LRCH3: variants seen among roughly 807,000 people sequenced by gnomAD.
LRCH3 encodes DISP complex protein LRCH3.
Under a neutral mutation model 104.5 loss-of-function variants are expected in LRCH3, and 68 were observed. The ratio of observed to expected loss-of-function variants is 0.65; its 90% CI spans 0.54 to 0.80. The LOEUF (loss-of-function observed/expected upper bound fraction) is 0.80. LRCH3 is among the 30% of genes least tolerant of loss of function. The pLI is 0.00. For synonymous variants in LRCH3, 344 were observed against 361.3 expected (o/e 0.95, Z 0.54); for missense variants, 951 against 953.9 (o/e 1.00, Z 0.04).
Position 197,871,469 on chromosome 3 carries a change from T to C in LRCH3, c.2130+7T>C. ...TGTTCCCTCACCAGCTGTAGTAAGT[T>C]GATAATCCTAAAAAGCCTTGGCTAT... On this transcript the variant is annotated splice_region_variant and intron_variant, in intron 19 of 20. Transcript: ENST00000425562. 7.4e-6 allele frequency: 12 copies of C among 1,612,148 alleles called. No individual in the cohort carries two copies. The highest frequency in any genetic ancestry group is 9.3e-6 in the Non-Finnish European group (11 of 1,178,410).
intron 19 of LRCH3, among the ~76,000 whole-genome samples, chr3:197,871,848 A>G (rs1444918257): frequency 1.3e-5 from 2 of 152,240 alleles, no homozygotes; most frequent in Non-Finnish European, 2.9e-5. Flanking sequence ...TCAGAAGCTA[A>G]GGAAAGTTTG....
At position 197,871,330 on chromosome 3, in the gene LRCH3, T is replaced by C. The variant is rs764451656; in HGVS notation, c.1998T>C (p.Ile666=). 14 of 1,612,706 alleles carry C rather than the reference T, an allele frequency of 8.7e-6. No individual in the cohort carries two copies. In the Admixed American group the frequency reaches 2.3e-4, roughly 27 times the overall value. ...CATGTTTTTTGTTCTTTCAGCATAT[T>C]GAGTACCGGTTGAAAGTGTCTCTAC... The part of the protein sequence containing the change: ...LELIDQLRKH[I]EYRLKVSLPC... The change falls in exon 19 of 21, where the codon ATT becomes ATC. Residue 666 remains isoleucine, a synonymous_variant. Coordinates refer to ENST00000425562, the MANE Select transcript of LRCH3 (RefSeq NM_001365715.1).
At chr3:197,880,021 C>G (rs1266230152) in intron 20 of LRCH3, among the ~76,000 whole-genome samples, 1 of 150,854 alleles carries the variant, frequency 6.6e-6, no homozygotes, top group East Asian at 1.9e-4. Context: ...TCTCGGCTCA[C>G]TGCAAGCTCC....
chr3:197,867,452 C>T (rs201478444), intron 17 of LRCH3, among the ~76,000 whole-genome samples: 1 of 150,792 alleles, frequency 6.6e-6, no homozygotes, highest in Admixed American at 6.6e-5. Flanking sequence ...CGTGGTGGCA[C>T]GTGCCTGTAA....
rs773924936 is a variant in LRCH3 at position 197,791,552 on chromosome 3, G to T, written c.262+12G>T. ...CACCACCCGGGCGGGTGAGCGGGGC[G>T]GGGGGCGTCTCTGCCCGTCGGAGAC... On this transcript the variant is annotated intron_variant, in intron 1 of 20. Coordinates refer to ENST00000425562, the MANE Select transcript of LRCH3 (RefSeq NM_001365715.1). 1.9e-6 allele frequency: 3 copies of T among 1,545,726 alleles called. No individual in the cohort carries two copies. The highest frequency in any genetic ancestry group is 1.2e-5 in the South Asian group (1 of 83,446).
Position 197,877,886 on chromosome 3 carries a change from T to A in LRCH3, c.2208+2111T>A, listed in dbSNP as rs1460975071. Among the ~76,000 whole-genome samples, 61 of 152,352 alleles carry A rather than the reference T, an allele frequency of 4.0e-4. 1 individual carries two copies. Among genetic ancestry groups the A allele is most frequent in the Non-Finnish European group, 1.2e-4 (8 of 68,038 alleles). Reference sequence around the variant, plus strand: ...CAAAATTTTCGTTTTTATATTATGTTGTTTTATAAAGGGTCATCTTTTAGA... The same window carrying A: ...CAAAATTTTCGTTTTTATATTATGTAGTTTTATAAAGGGTCATCTTTTAGA... On this transcript the variant is annotated intron_variant, in intron 20 of 20. Coordinates refer to ENST00000425562, the MANE Select transcript of LRCH3 (RefSeq NM_001365715.1).
chr3:197,798,766 A>G (rs1345351439), intron 1 of LRCH3, among the ~76,000 whole-genome samples: 1 of 152,198 alleles, frequency 6.6e-6, no homozygotes, highest in Non-Finnish European at 1.5e-5. Context: ...CAGTCACAGT[A>G]TATGCACTAT....
intron 4 of LRCH3, among the ~76,000 whole-genome samples, chr3:197,821,613 G>A (rs1027158202): frequency 6.6e-6 from 1 of 152,142 alleles, no homozygotes; most frequent in Non-Finnish European, 1.5e-5. Flanking sequence ...ATCTTCTCAA[G>A]GTATTTTCAT....
chr3:197,798,260 C>CAAAA (rs573713102), intron 1 of LRCH3, among the ~76,000 whole-genome samples: 4 of 150,650 alleles, frequency 2.7e-5, no homozygotes, highest in African/African-American at 7.4e-5. Context: ...GACCCTGTCT[C>CAAAA]AAAAAAAATA....
At chr3:197,808,188 G>A (rs1732710916) in intron 1 of LRCH3, among the ~76,000 whole-genome samples, 1 of 152,180 alleles carries the variant, frequency 6.6e-6, no homozygotes, top group Admixed American at 6.5e-5. Context: ...GTCCCTGTGA[G>A]AGGAGATTAG....
chr3:197,791,776 G>A (rs1168476481), intron 1 of LRCH3, among the ~76,000 whole-genome samples: 1 of 152,180 alleles, frequency 6.6e-6, no homozygotes, highest in Non-Finnish European at 1.5e-5. Flanking sequence ...AGTGATTGAT[G>A]GATGATTTTT....
At position 197,883,702 on chromosome 3, in the gene LRCH3, A is replaced by G; in HGVS notation, c.*36A>G. On this transcript the variant is annotated 3_prime_UTR_variant, in exon 21 of 21. Transcript: ENST00000425562. This position sits in a 1 kb window ranked among gnomAD's most constrained non-coding sequence, Gnocchi z 4.2. Reference sequence around the variant, plus strand: ...GACGGTGGGCACTGGCCTGGCCAAAACAAGGAACAGGACACCGTGATTGCT... The same window carrying G: ...GACGGTGGGCACTGGCCTGGCCAAAGCAAGGAACAGGACACCGTGATTGCT... 6.5e-7 allele frequency: 1 copy of G among 1,527,670 alleles called. No homozygotes were observed. The allele number at this position is 1,527,670 out of a possible 1,614,324, so 94.6% of individuals were successfully genotyped here.
At chr3:197,874,876 G>A (rs1432836143) in intron 19 of LRCH3, among the ~76,000 whole-genome samples, 1 of 151,640 alleles carries the variant, frequency 6.6e-6, no homozygotes, top group Admixed American at 6.6e-5. Flanking sequence ...TTTGCATATT[G>A]TCTATAGTTG....
intron 4 of LRCH3, among the ~76,000 whole-genome samples, chr3:197,826,258 A>G (rs545759702): frequency 3.3e-5 from 5 of 152,256 alleles, no homozygotes; most frequent in African/African-American, 7.2e-5. Flanking sequence ...AAGAAGCTCC[A>G]TTTCTTCTTC....
chr3:197,881,534 A>G (rs560688674), intron 20 of LRCH3: 2 of 985,368 alleles, frequency 2.0e-6, no homozygotes, highest in South Asian at 4.7e-5. Flanking sequence ...GATTTCTAAC[A>G]TATTCAAACC....
chr3:197,861,499 G>C (rs918601895), intron 15 of LRCH3, among the ~76,000 whole-genome samples: 2 of 152,058 alleles, frequency 1.3e-5, no homozygotes, highest in Admixed American at 6.5e-5. Flanking sequence ...ACAGTGTCTT[G>C]TTCTACAGTG....
chr3:197,838,928 A>G (rs773125715), intron 9 of LRCH3, among the ~76,000 whole-genome samples: 2 of 152,208 alleles, frequency 1.3e-5, no homozygotes, highest in Non-Finnish European at 2.9e-5. Context: ...GAAATATTCA[A>G]GAGAAACTGA....
chr3:197,803,556 T>A (rs909280374), intron 1 of LRCH3, among the ~76,000 whole-genome samples: 1 of 152,094 alleles, frequency 6.6e-6, no homozygotes, highest in African/African-American at 2.4e-5. Flanking sequence ...TCCCAGCTAC[T>A]TGGGAGGCTG....
intron 7 of LRCH3, chr3:197,831,357 A>G (rs1735910757): frequency 6.6e-6 from 1 of 152,322 alleles, no homozygotes; most frequent in Admixed American, 6.5e-5. Flanking sequence ...ACAGAGGTCT[A>G]CAGAAGAAAA....
Sources: gnomAD v4.1 joint callset for allele counts (sites outside exome capture counted in the v4.1 genomes callset) on GRCh38, gnomAD v4.1.1 for gene constraint, Gnocchi (gnomAD v3.1) non-coding constraint, MANE v1.5 for transcripts, NCBI Gene and HGNC (gene_info 2026-07-23, HGNC 2026-07-21) for gene names.